Variants in LACTBL1 observed in about 807,000 individuals in gnomAD.
LACTBL1 encodes the protein lactamase beta like 1.
Under a neutral mutation model 39.6 loss-of-function variants are expected in LACTBL1, and 29 were observed. The ratio of observed to expected loss-of-function variants is 0.73; its 90% CI spans 0.55 to 1.00. The LOEUF (loss-of-function observed/expected upper bound fraction) is 1.00, where lower values mean the gene tolerates loss of function less well. Ranked by LOEUF, LACTBL1 falls within the 50% of genes least tolerant of loss-of-function variation. LACTBL1 has a pLI of 0.00. For missense variants in LACTBL1, 711 were observed against 748.5 expected (o/e 0.95, Z 0.59); for synonymous variants, 361 against 360.7 (o/e 1.00, Z -0.01).
upstream of LACTBL1, among the ~76,000 whole-genome samples, chr1:22,966,018 G>A (rs1640873031): frequency 6.6e-6 from 1 of 152,124 alleles, no homozygotes. Context: ...AATTGATTAT[G>A]GTGCTAATGG....
intron 1 of LACTBL1, among the ~76,000 whole-genome samples, chr1:22,964,377 C>T (rs1014765512): frequency 1.3e-5 from 2 of 152,178 alleles, no homozygotes; most frequent in African/African-American, 4.8e-5. Context: ...GCGAACACTG[C>T]CACCTTGTGG....
At chr1:22,967,879 A>G (rs1486971728), upstream of LACTBL1, among the ~76,000 whole-genome samples, 1 of 152,168 alleles carries the variant, frequency 6.6e-6, no homozygotes, top group Non-Finnish European at 1.5e-5. Context: ...AGTTCCTGGA[A>G]CATAGCAGAC....
At chr1:22,963,511 A>G (rs908595489) in intron 1 of LACTBL1, among the ~76,000 whole-genome samples, 1 of 152,094 alleles carries the variant, frequency 6.6e-6, no homozygotes, top group African/African-American at 2.4e-5. Flanking sequence ...GACTTAGACC[A>G]TTCTGGCTGC....
At chr1:22,967,331 T>C (rs1432479577), upstream of LACTBL1, among the ~76,000 whole-genome samples, 1 of 152,074 alleles carries the variant, frequency 6.6e-6, no homozygotes, top group Non-Finnish European at 1.5e-5. Flanking sequence ...ATCACACCAC[T>C]GCACTCCAGC....
At chr1:22,959,999 C>T (rs1244849733) in exon 3 of LACTBL1, 45 of 1,551,002 alleles carry the variant, frequency 2.9e-5, no homozygotes, top group Non-Finnish European at 3.9e-5. Flanking sequence ...ATTCTTCTTC[C>T]CAAAGTTCCC....
chr1:22,954,086 A>G, intron 5 of LACTBL1, 62 bp from the exon 8 acceptor site: 1 of 1,457,552 alleles, frequency 6.9e-7, no homozygotes, highest in Non-Finnish European at 9.1e-7. Context: ...GCTGTCTGAA[A>G]TGCCACCAGT....
intron 2 of LACTBL1, among the ~76,000 whole-genome samples, chr1:22,962,207 G>A (rs1640829740): frequency 6.6e-6 from 1 of 152,088 alleles, no homozygotes; most frequent in Admixed American, 6.6e-5. Context: ...ACTCCTGAAA[G>A]CCACATAGCA....
chr1:22,969,700 C>T (rs1461270889), upstream of LACTBL1, among the ~76,000 whole-genome samples: 1 of 151,746 alleles, frequency 6.6e-6, no homozygotes, highest in Non-Finnish European at 1.5e-5. Flanking sequence ...CTGTGGTTTC[C>T]TTTTATCCTT....
At chr1:22,957,872 G>A (rs929285142) in intron 4 of LACTBL1, among the ~76,000 whole-genome samples, 5 of 151,892 alleles carry the variant, frequency 3.3e-5, no homozygotes, top group African/African-American at 1.2e-4. Context: ...GGCTGGTCTG[G>A]AATTCCTGAG....
exon 6 of LACTBL1, chr1:22,953,435 C>T (rs781155017): frequency 1.3e-4 from 160 of 1,227,386 alleles, no homozygotes; most frequent in Admixed American, 1.7e-4. Flanking sequence ...GGGCCGGGCT[C>T]GGCCTCCCGG....
chr1:22,955,036 G>A (rs1423707823), intron 5 of LACTBL1, among the ~76,000 whole-genome samples: 2 of 152,230 alleles, frequency 1.3e-5, no homozygotes, highest in African/African-American at 2.4e-5. Flanking sequence ...CAAACTCCAC[G>A]AGGAGCAAAC....
At chr1:22,958,590 C>A in intron 4 of LACTBL1, 95 bp downstream of exon 6, 1 of 1,072,908 alleles carries the variant, frequency 9.3e-7, no homozygotes, top group East Asian at 2.6e-5. Flanking sequence ...GGAAGCAGAG[C>A]CAAGAGTGAG....
At chr1:22,972,801 G>T in the LACTBL1 span, 2 of 896,666 alleles carry the variant, frequency 2.2e-6, no homozygotes, top group Non-Finnish European at 2.7e-6. Flanking sequence ...CAAGAACAGG[G>T]CAGTTAGGGC....
intron 3 of LACTBL1, 81 bp downstream of exon 5, chr1:22,959,861 T>C (rs1640801550): frequency 6.8e-7 from 1 of 1,476,320 alleles, no homozygotes; most frequent in South Asian, 1.3e-5. Context: ...CATGATTCTC[T>C]TCAGTATCCT....
chr1:22,953,628 G>A (rs1004488007), exon 6 of LACTBL1: 2 of 1,266,112 alleles, frequency 1.6e-6, no homozygotes, highest in African/African-American at 1.6e-5. Flanking sequence ...CCCGCTGCGC[G>A]TGGAACTCCC....
chr1:22,964,411 A>G (rs939515677), intron 1 of LACTBL1, among the ~76,000 whole-genome samples: 3 of 152,188 alleles, frequency 2.0e-5, no homozygotes, highest in Non-Finnish European at 4.4e-5. Flanking sequence ...AGCGGTCTTG[A>G]GAGCAGGAGT....
At position 22,963,090 on chromosome 1, in the gene LACTBL1, C is replaced by G. The variant is rs1355599458; in HGVS notation, c.159+17G>C. 3 of 1,262,878 alleles carry G rather than the reference C, an allele frequency of 2.4e-6. No homozygotes were observed. The highest frequency in any genetic ancestry group is 3.0e-6 in the Non-Finnish European group (3 of 991,344). The allele number at this position is 1,262,878 out of a possible 1,614,324, so 78.2% of individuals were successfully genotyped here. A position where few individuals can be genotyped will look rare whatever the true frequency, so the allele number is the denominator to read the frequency against. Reference sequence around the variant, plus strand: ...GCCCAGCCCATATGCCCAGTTTCCTCCTGGGTCATCACTGACCTTTTCCAG... The same window carrying G: ...GCCCAGCCCATATGCCCAGTTTCCTGCTGGGTCATCACTGACCTTTTCCAG... On this transcript the variant is annotated intron_variant, in intron 2 of 5. Coordinates refer to ENST00000426928, the Ensembl canonical transcript of LACTBL1.
the LACTBL1 span, chr1:22,972,488 A>T: frequency 1.0e-6 from 1 of 954,400 alleles, no homozygotes; most frequent in Non-Finnish European, 1.2e-6. Flanking sequence ...GTAGACGAGG[A>T]TGCGGGGGAT....
intron 1 of LACTBL1, among the ~76,000 whole-genome samples, chr1:22,964,369 G>A (rs945670064): frequency 2.0e-5 from 3 of 152,130 alleles, no homozygotes; most frequent in African/African-American, 7.2e-5. Context: ...TACTCCCTGC[G>A]AACACTGCCA....
Sources: gnomAD v4.1 joint callset for allele counts (sites outside exome capture counted in the v4.1 genomes callset) on GRCh38, gnomAD v4.1.1 for gene constraint, MANE v1.5 for transcripts, NCBI Gene and HGNC (gene_info 2026-07-23, HGNC 2026-07-21) for gene names.